Variants in LPAR6 observed in about 807,000 individuals in gnomAD.
LPAR6 encodes the protein lysophosphatidic acid receptor 6.
A neutral mutation model predicts 22.0 loss-of-function variants in LPAR6; 17 were observed. That is an observed-to-expected ratio of 0.77 (90% CI 0.53 to 1.16). LPAR6 has a LOEUF of 1.16. Among genes scored for constraint, LPAR6 ranks in the 50% most tolerant of loss-of-function variants. The probability of loss-of-function intolerance (pLI) is 0.00; values close to 1 mark genes in which losing one functional copy is unlikely to be tolerated. For synonymous variants in LPAR6, 136 were observed against 139.8 expected (o/e 0.97, Z 0.19); for missense variants, 384 against 406.9 (o/e 0.94, Z 0.48).
chr13:48,397,671 CT>C (rs1948659418), intron 1 of LPAR6, among the ~76,000 whole-genome samples: 1 of 151,992 alleles, frequency 6.6e-6, no homozygotes, highest in Non-Finnish European at 1.5e-5. Flanking sequence ...TAAAATATAT[CT>C]TTCAAATTAT....
chr13:48,426,497 T>C (rs963855279), intron 1 of LPAR6: 5 of 152,214 alleles, frequency 3.3e-5, no homozygotes, highest in Admixed American at 1.3e-4. Flanking sequence ...GGTTAACACA[T>C]TGCATATTGC....
Position 48,412,512 on chromosome 13 carries a change from A to G in LPAR6, c.-89T>C. ...TCAGATTATAACCTCTATAACCTCC[A>G]ATTTATTTGCAAATTATCTGGATCT... On this transcript the variant is annotated 5_prime_UTR_variant, in exon 1 of 1. Transcript: ENST00000620633. The G allele has an allele frequency of 1.2e-6, 1 of 842,554 alleles. No individual in the cohort carries two copies. The highest frequency in any genetic ancestry group is 2.1e-6 in the Non-Finnish European group (1 of 480,536). The allele number at this position is 842,554 out of a possible 1,614,324, so 52.2% of individuals were successfully genotyped here. A position where few individuals can be genotyped will look rare whatever the true frequency, so the allele number is the denominator to read the frequency against.
intron 1 of LPAR6, among the ~76,000 whole-genome samples, chr13:48,397,316 A>T (rs1166578327): frequency 6.6e-6 from 1 of 152,202 alleles, no homozygotes; most frequent in Non-Finnish European, 1.5e-5. Context: ...ATGCAGCCAT[A>T]AAAAAGGATG....
upstream of LPAR6, chr13:48,429,283 C>A: frequency 6.6e-6 from 1 of 152,300 alleles, no homozygotes; most frequent in Non-Finnish European, 1.5e-5. Flanking sequence ...GGTGCAGTGA[C>A]ACATGCCTGT....
At chr13:48,400,233 A>G (rs564669212) in intron 1 of LPAR6, among the ~76,000 whole-genome samples, 2 of 152,226 alleles carry the variant, frequency 1.3e-5, no homozygotes, top group South Asian at 4.1e-4. Flanking sequence ...GTTTTTGCAT[A>G]TGTCCTATTA....
intron 1 of LPAR6, among the ~76,000 whole-genome samples, chr13:48,436,728 A>G (rs71432988): frequency 3.5e-4 from 53 of 152,174 alleles, no homozygotes; most frequent in Non-Finnish European, 6.6e-4. Context: ...AGGACCAGCA[A>G]GGTAAAATGG....
chr13:48,413,314 T>C (rs1782497699), upstream of LPAR6, among the ~76,000 whole-genome samples: 1 of 152,200 alleles, frequency 6.6e-6, no homozygotes, highest in South Asian at 2.1e-4. Context: ...TCTTTTTATG[T>C]GGAAATGCCT....
At chr13:48,437,559 G>T (rs1949196485) in intron 1 of LPAR6, among the ~76,000 whole-genome samples, 1 of 152,144 alleles carries the variant, frequency 6.6e-6, no homozygotes, top group South Asian at 2.1e-4. Flanking sequence ...GCTTCACTGG[G>T]ATTGGAGAGT....
chr13:48,419,649 T>C (rs992630420), intron 2 of LPAR6, among the ~76,000 whole-genome samples: 2 of 151,786 alleles, frequency 1.3e-5, no homozygotes, highest in Non-Finnish European at 2.9e-5. Context: ...GCCAGGCTAA[T>C]AAAGAAGAAA....
chr13:48,410,057 C>A (rs1948779614), downstream of LPAR6, among the ~76,000 whole-genome samples: 1 of 151,886 alleles, frequency 6.6e-6, no homozygotes, highest in South Asian at 2.1e-4. Flanking sequence ...GGAACTGTGT[C>A]CTTAATTAAT....
At chr13:48,406,277 A>G (rs1049659116), downstream of LPAR6, among the ~76,000 whole-genome samples, 4 of 152,102 alleles carry the variant, frequency 2.6e-5, no homozygotes, top group Non-Finnish European at 4.4e-5. Context: ...TTCCCACCAG[A>G]AATGTATGAA....
chr13:48,433,612 G>T (rs1720225842), intron 1 of LPAR6, among the ~76,000 whole-genome samples: 1 of 151,170 alleles, frequency 6.6e-6, no homozygotes, highest in African/African-American at 2.4e-5. Context: ...CAAATATTAT[G>T]ACAAAAGCAT....
At chr13:48,390,350 C>G (rs1380324166) in intron 1 of LPAR6, among the ~76,000 whole-genome samples, 3 of 152,098 alleles carry the variant, frequency 2.0e-5, no homozygotes, top group Non-Finnish European at 4.4e-5. Context: ...TTTCTGGAGA[C>G]AGAACATTTC....
In LPAR6 at chr13:48,392,213, C is replaced by T. The variant is rs148507674; in HGVS notation, n.115-2401G>A. On this transcript the variant is annotated intron_variant and non_coding_transcript_variant, in intron 1 of 1. Coordinates refer to the LPAR6 transcript ENST00000462781. ...GCAACCTCTGCCTCCCAGGTTCAAG[C>T]GATTCTTCTGCCTCAGCCTCCTGAG... Among the ~76,000 whole-genome samples, 1,797 of 152,088 alleles carry T rather than the reference C, an allele frequency of 0.012. 67 individuals are homozygous for T. In the East Asian group the frequency reaches 0.12, roughly 10 times the overall value.
chr13:48,416,287 C>G (rs1302291383), upstream of LPAR6: 1 of 152,320 alleles, frequency 6.6e-6, no homozygotes, highest in Admixed American at 6.5e-5. Flanking sequence ...GAAGGCGAGC[C>G]AAAGCAGGGT....
At chr13:48,443,478 TAA>T (rs987612078) in intron 1 of LPAR6, among the ~76,000 whole-genome samples, 1 of 152,188 alleles carries the variant, frequency 6.6e-6, no homozygotes, top group Admixed American at 6.5e-5. Flanking sequence ...CTAAAATAGC[TAA>T]GTTTTCTGAT....
chr13:48,398,649 A>G (rs960184922), intron 1 of LPAR6, among the ~76,000 whole-genome samples: 6 of 151,940 alleles, frequency 3.9e-5, no homozygotes, highest in Non-Finnish European at 7.4e-5. Flanking sequence ...TTGAACTCAT[A>G]TTGGTTTGAT....
rs1341321681 is a variant in LPAR6 at position 48,412,257 on chromosome 13, A to G, written c.167T>C (p.Met56Thr). ...CAAGTCTGACATTGCCAAGTTAATCATGTAAGTTGTAGTTTCATTTCGGAC... is the reference window on the plus strand; with the variant it reads ...CAAGTCTGACATTGCCAAGTTAATCGTGTAAGTTGTAGTTTCATTTCGGAC... Reference protein sequence around the residue: ...LKVRNETTTYMINLAMSDLLF... With the variant: ...LKVRNETTTYTINLAMSDLLF... The change falls in exon 1 of 1, where the codon ATG (methionine) becomes ACG (threonine). Residue 56 changes from methionine to threonine, a missense_variant. Transcript: ENST00000620633. 5.0e-6 allele frequency: 8 copies of G among 1,614,046 alleles called. No homozygotes were observed. The highest frequency in any genetic ancestry group is 2.7e-5 in the African/African-American group (2 of 74,936).
chr13:48,412,208 G>A lies in LPAR6; in HGVS notation c.216C>T (p.Phe72=). ...SDLLFVFTLP[F]RIFYFTTRNW... Reference sequence around the variant, plus strand: ...TCCGTGTTGTGAAGTAAAAAATCCTGAAGGGTAAAGTAAAAACAAAAAGCA... The same window carrying A: ...TCCGTGTTGTGAAGTAAAAAATCCTAAAGGGTAAAGTAAAAACAAAAAGCA... The change falls in exon 1 of 1, where the codon TTC becomes TTT. Residue 72 remains phenylalanine (F), a synonymous_variant. Transcript: ENST00000620633. The A allele has an allele frequency of 1.2e-6, 2 of 1,613,940 alleles. No homozygotes were observed. Among genetic ancestry groups the A allele is most frequent in the Non-Finnish European group, 1.7e-6 (2 of 1,179,916 alleles).
Sources: gnomAD v4.1 joint callset for allele counts (sites outside exome capture counted in the v4.1 genomes callset) on GRCh38, gnomAD v4.1.1 for gene constraint, MANE v1.5 for transcripts, NCBI Gene and HGNC (gene_info 2026-07-23, HGNC 2026-07-21) for gene names.